Variants in HCN1 observed in about 807,000 individuals in gnomAD.
The protein encoded by HCN1 is potassium/sodium hyperpolarization-activated cyclic nucleotide-gated channel 1.
Under a neutral mutation model 78.9 loss-of-function variants are expected in HCN1, and 13 were observed. That is an observed-to-expected ratio of 0.16 (90% CI 0.11 to 0.26). The LOEUF is 0.26. HCN1 is among the 10% of genes least tolerant of loss of function. HCN1 has a pLI of 1.00. For missense variants in HCN1, 810 were observed against 1,154.3 expected, an observed-to-expected ratio of 0.70 and a Z score of 4.32; for synonymous variants, 552 against 455.5, an observed-to-expected ratio of 1.21 and a Z score of -2.70.
chr5:45,641,161 T>C (rs1745448437), intron 2 of HCN1, among the ~76,000 whole-genome samples: 1 of 152,170 alleles, frequency 6.6e-6, no homozygotes, highest in African/African-American at 2.4e-5. Flanking sequence ...TCCTATGTGT[T>C]TTTAAAAATA....
chr5:45,496,848 A>G (rs907649972), intron 2 of HCN1, among the ~76,000 whole-genome samples: 6 of 152,084 alleles, frequency 3.9e-5, no homozygotes, highest in African/African-American at 7.2e-5. Context: ...TTTAGTGCAT[A>G]AATTTCCCTC....
At chr5:45,545,353 T>A (rs1321009679) in intron 2 of HCN1, among the ~76,000 whole-genome samples, 1 of 152,212 alleles carries the variant, frequency 6.6e-6, no homozygotes, top group Non-Finnish European at 1.5e-5. Flanking sequence ...ATTAGCTCTT[T>A]GTCAGATGGG....
chr5:45,465,533 G>T (rs1299373994), intron 2 of HCN1, among the ~76,000 whole-genome samples: 2 of 152,034 alleles, frequency 1.3e-5, no homozygotes, highest in South Asian at 2.1e-4. Flanking sequence ...GAGGTGGGTG[G>T]ATCACAAGGT....
chr5:45,362,632 T>C (rs773905039), intron 4 of HCN1, among the ~76,000 whole-genome samples: 32 of 152,238 alleles, frequency 2.1e-4, no homozygotes, highest in Non-Finnish European at 3.7e-4. Flanking sequence ...TACTCATATT[T>C]ACCTACTTAA....
chr5:45,526,265 T>G (rs1416336277), intron 2 of HCN1, among the ~76,000 whole-genome samples: 1 of 152,106 alleles, frequency 6.6e-6, no homozygotes, highest in African/African-American at 2.4e-5. Flanking sequence ...TTGAGGTCAT[T>G]TGAGTTTCTC....
chr5:45,696,145 C>G lies in HCN1; in HGVS notation c.-52G>C, dbSNP rs983336709. 4.9e-6 allele frequency: 6 copies of G among 1,221,928 alleles called. No individual in the cohort carries two copies. The South Asian group carries it at 7.7e-5, about 16-fold the overall frequency. 75.7% of individuals were successfully genotyped at this position (1,221,928 alleles called of 1,614,324 possible). A position where few individuals can be genotyped will look rare whatever the true frequency, so the allele number is the denominator to read the frequency against. On this transcript the variant is annotated 5_prime_UTR_variant, in exon 1 of 8. Transcript: ENST00000303230. Reference sequence around the variant, plus strand: ...GCGGGCTCCAGACTCGCCGGCCGCCCGGCGCCGGAGACACGTAGCCGAGAG... The same window carrying G: ...GCGGGCTCCAGACTCGCCGGCCGCCGGGCGCCGGAGACACGTAGCCGAGAG...
At chr5:45,407,606 G>A (rs1489854520) in intron 3 of HCN1, among the ~76,000 whole-genome samples, 4 of 151,890 alleles carry the variant, frequency 2.6e-5, no homozygotes, top group Non-Finnish European at 5.9e-5. Flanking sequence ...TGCAACCTCC[G>A]CCTACCTGGC....
At chr5:45,276,282 A>G (rs1037046494) in intron 6 of HCN1, among the ~76,000 whole-genome samples, 2 of 152,104 alleles carry the variant, frequency 1.3e-5, no homozygotes, top group African/African-American at 4.8e-5. Context: ...CTATTTGTTT[A>G]ATGCAAAAAT....
rs543775839 is a variant in HCN1 at position 45,385,397 on chromosome 5, T to G, written c.1230+11095A>C. On this transcript the variant is annotated intron_variant, in intron 4 of 7. Coordinates refer to ENST00000303230, the MANE Select transcript of HCN1 (RefSeq NM_021072.4). Reference sequence around the variant, plus strand: ...AAGGAAATTGATTTGTAAATTTAATTTCTTAAATTTGTGTTTTCATATAAC... The same window carrying G: ...AAGGAAATTGATTTGTAAATTTAATGTCTTAAATTTGTGTTTTCATATAAC... Among the ~76,000 whole-genome samples the G allele has an allele frequency of 1.9e-3, 284 of 152,196 alleles. 1 individual carries two copies. The highest frequency in any genetic ancestry group is 6.6e-3 in the African/African-American group (275 of 41,552).
At chr5:45,372,030 A>G (rs1747384210) in intron 4 of HCN1, among the ~76,000 whole-genome samples, 1 of 68,318 alleles carries the variant, frequency 1.5e-5, no homozygotes. Flanking sequence ...TATATAATAT[A>G]ATTATATATA....
In HCN1 at chr5:45,449,837, G is replaced by T. The variant is rs573004198; in HGVS notation, c.1011+12009C>A. On this transcript the variant is annotated intron_variant, in intron 3 of 7. Coordinates refer to ENST00000303230, the MANE Select transcript of HCN1 (RefSeq NM_021072.4). ...ATTGAAATTGTAAGAACATAAGTTG[G>T]TTTTTTTTCTTTTTTTGAGACGGAG... Among the ~76,000 whole-genome samples the T allele has an allele frequency of 2.2e-3, 336 of 151,680 alleles. 1 individual carries two copies. Among genetic ancestry groups the T allele is most frequent in the African/African-American group, 6.7e-3 (278 of 41,416 alleles).
chr5:45,658,134 G>T (rs1745815299), intron 1 of HCN1, among the ~76,000 whole-genome samples: 1 of 152,108 alleles, frequency 6.6e-6, no homozygotes, highest in Non-Finnish European at 1.5e-5. Flanking sequence ...ACAAGCAATG[G>T]GGAAAGGATT....
chr5:45,287,073 A>G (rs889311413), intron 6 of HCN1, among the ~76,000 whole-genome samples: 1 of 151,542 alleles, frequency 6.6e-6, no homozygotes, highest in Non-Finnish European at 1.5e-5. Context: ...ATAGGCTAGA[A>G]GGTATGCGTG....
chr5:45,611,416 C>T (rs138669783), intron 2 of HCN1, among the ~76,000 whole-genome samples: 2 of 151,382 alleles, frequency 1.3e-5, no homozygotes, highest in East Asian at 3.9e-4. Flanking sequence ...GGATTACAGG[C>T]GCCCACCACC....
intron 2 of HCN1, among the ~76,000 whole-genome samples, chr5:45,573,573 C>T (rs952815764): frequency 1.3e-5 from 2 of 151,808 alleles, no homozygotes; most frequent in Non-Finnish European, 2.9e-5. Flanking sequence ...TGAACCAAAA[C>T]CAACAGAAGA....
intron 2 of HCN1, among the ~76,000 whole-genome samples, chr5:45,479,734 C>T (rs974903253): frequency 3.3e-5 from 5 of 152,138 alleles, no homozygotes; most frequent in Admixed American, 3.3e-4. Context: ...CAGTTTTGGA[C>T]ACTCTAAGTG....
intron 5 of HCN1, among the ~76,000 whole-genome samples, chr5:45,331,198 T>C (rs985012889): frequency 2.6e-5 from 4 of 151,216 alleles, no homozygotes; most frequent in African/African-American, 9.7e-5. Flanking sequence ...AACATTTAAA[T>C]ATATTAATAT....
At chr5:45,419,757 C>T (rs965027273) in intron 3 of HCN1, among the ~76,000 whole-genome samples, 1 of 152,170 alleles carries the variant, frequency 6.6e-6, no homozygotes, top group South Asian at 2.1e-4. Flanking sequence ...GGTCACTACT[C>T]CTGTCAATGC....
intron 1 of HCN1, among the ~76,000 whole-genome samples, chr5:45,684,794 G>A (rs182356113): frequency 1.1e-4 from 16 of 152,246 alleles, no homozygotes; most frequent in African/African-American, 2.4e-4. Context: ...CCCAGGAGGC[G>A]GAGGTTGCAG....
Sources: gnomAD v4.1 joint callset for allele counts (sites outside exome capture counted in the v4.1 genomes callset) on GRCh38, gnomAD v4.1.1 for gene constraint, MANE v1.5 for transcripts, NCBI Gene and HGNC (gene_info 2026-07-23, HGNC 2026-07-21) for gene names.